Variants in DPP6 observed in about 807,000 individuals in gnomAD.
The protein encoded by DPP6 is A-type potassium channel modulatory protein DPP6.
In DPP6, 69 loss-of-function variants were observed where a neutral mutation model predicts 122.6. The observed-to-expected ratio is 0.56, with a 90% confidence interval of 0.46 to 0.69. The LOEUF is 0.69. DPP6 is among the 30% of genes least tolerant of loss of function. The probability of loss-of-function intolerance (pLI) is 0.00; values close to 1 mark genes in which losing one functional copy is unlikely to be tolerated. For synonymous variants in DPP6, 418 were observed against 433.1 expected, an observed-to-expected ratio of 0.97 and a Z score of 0.43; for missense variants, 928 against 1,116.9, an observed-to-expected ratio of 0.83 and a Z score of 2.41.
intron 8 of DPP6, 41 bp from the exon 9 acceptor site, chr7:154,769,376 A>G (rs1796096611): frequency 9.9e-6 from 16 of 1,609,562 alleles, no homozygotes; most frequent in African/African-American, 1.3e-5. Flanking sequence ...ATTTCCACTC[A>G]CTTGTTACTA....
intron 1 of DPP6, among the ~76,000 whole-genome samples, chr7:154,093,127 C>T (rs1480974868): frequency 1.3e-5 from 2 of 151,406 alleles, no homozygotes; most frequent in Non-Finnish European, 2.9e-5. Flanking sequence ...CACCACATAA[C>T]ACACATCCTA....
At chr7:154,240,247 C>T (rs975516579) in intron 1 of DPP6, among the ~76,000 whole-genome samples, 3 of 152,054 alleles carry the variant, frequency 2.0e-5, no homozygotes, top group African/African-American at 7.2e-5. Context: ...GTAATTCTAA[C>T]CATATTTTAA....
At chr7:154,399,105 C>T (rs962776912) in intron 1 of DPP6, among the ~76,000 whole-genome samples, 6 of 152,008 alleles carry the variant, frequency 3.9e-5, no homozygotes, top group African/African-American at 1.2e-4. Context: ...GTATCTGAGG[C>T]GAGAGAGACC....
At chr7:154,777,826 A>C (rs1587108835) in intron 10 of DPP6, among the ~76,000 whole-genome samples, 2 of 152,112 alleles carry the variant, frequency 1.3e-5, no homozygotes. Flanking sequence ...ACCTGTGCGC[A>C]GCTGTGGGGG....
At chr7:154,206,497 C>T (rs1799455865) in intron 1 of DPP6, among the ~76,000 whole-genome samples, 1 of 152,294 alleles carries the variant, frequency 6.6e-6, no homozygotes, top group African/African-American at 2.4e-5. Flanking sequence ...CGCAAAGCAA[C>T]CTTTTCACGT....
At chr7:154,609,590 T>G (rs1833782182) in intron 5 of DPP6, among the ~76,000 whole-genome samples, 1 of 152,182 alleles carries the variant, frequency 6.6e-6, no homozygotes. Flanking sequence ...CACATGCACA[T>G]GCACACACAT....
intron 8 of DPP6, among the ~76,000 whole-genome samples, chr7:154,758,070 C>G (rs987858364): frequency 3.9e-5 from 6 of 152,256 alleles, no homozygotes; most frequent in African/African-American, 1.2e-4. Context: ...ATCCACTCCC[C>G]CTTCAGGTGG....
chr7:153,775,759 A>C, the DPP6 span, among the ~76,000 whole-genome samples: 1 of 152,174 alleles, frequency 6.6e-6, no homozygotes, highest in Non-Finnish European at 1.5e-5. Flanking sequence ...CAAAACACAA[A>C]AATTAATTGT....
intron 1 of DPP6, among the ~76,000 whole-genome samples, chr7:154,056,107 C>A (rs1800804964): frequency 6.6e-6 from 1 of 152,178 alleles, no homozygotes; most frequent in Non-Finnish European, 1.5e-5. Flanking sequence ...AATGCATGGT[C>A]TAAATGCACA....
intron 7 of DPP6, among the ~76,000 whole-genome samples, chr7:154,685,269 A>C (rs1256119110): frequency 6.6e-6 from 1 of 152,208 alleles, no homozygotes; most frequent in Non-Finnish European, 1.5e-5. Flanking sequence ...ATAACCCTAA[A>C]ATTTTACTAG....
intron 1 of DPP6, among the ~76,000 whole-genome samples, chr7:154,245,637 A>AAAAAAAAAAC (rs1801935522): frequency 5.1e-5 from 1 of 19,444 alleles, no homozygotes. Flanking sequence ...GACTGTCTCA[A>AAAAAAAAAAC]AAAAAAAAAA....
At chr7:154,502,437 G>A (rs1016456571) in intron 3 of DPP6, among the ~76,000 whole-genome samples, 2 of 152,174 alleles carry the variant, frequency 1.3e-5, no homozygotes, top group Non-Finnish European at 2.9e-5. Context: ...AACTTAGTGG[G>A]AGGTGATGAA....
the DPP6 span, among the ~76,000 whole-genome samples, chr7:153,818,488 A>G: frequency 6.6e-6 from 1 of 152,188 alleles, no homozygotes; most frequent in Non-Finnish European, 1.5e-5. Flanking sequence ...GGATGATATT[A>G]TAGACTACTA....
At chr7:154,070,689 G>A (rs917330465) in intron 1 of DPP6, among the ~76,000 whole-genome samples, 1 of 152,116 alleles carries the variant, frequency 6.6e-6, no homozygotes, top group Non-Finnish European at 1.5e-5. Flanking sequence ...ACGGCCCTCT[G>A]TTTAATGCTT....
chr7:154,300,812 A>G (rs1805852427), intron 1 of DPP6, among the ~76,000 whole-genome samples: 1 of 152,222 alleles, frequency 6.6e-6, no homozygotes, highest in Non-Finnish European at 1.5e-5. Flanking sequence ...AATCATTATT[A>G]TGGGCTGTTG....
chr7:153,976,985 T>G (rs1487056582), intron 1 of DPP6, among the ~76,000 whole-genome samples: 1 of 152,240 alleles, frequency 6.6e-6, no homozygotes, highest in Non-Finnish European at 1.5e-5. Context: ...GATAGCACCC[T>G]CTGCTCTGCT....
Position 154,034,975 on chromosome 7 carries a change from T to G in DPP6, c.51+147241T>G, listed in dbSNP as rs541396486. ...TGACCTTTTCTGAAGCTAAAACATA[T>G]GCAAAATGGACAAAGCCCATGGCTT... On this transcript the variant is annotated intron_variant, in intron 1 of 25. Transcript: ENST00000404039. Among the ~76,000 whole-genome samples, 214 of 151,102 alleles carry G rather than the reference T, an allele frequency of 1.4e-3. 1 individual carries two copies. The highest frequency in any genetic ancestry group is 0.012 in the South Asian group (58 of 4,716).
chr7:154,447,612 T>C (rs1819996632), intron 2 of DPP6, among the ~76,000 whole-genome samples: 1 of 151,922 alleles, frequency 6.6e-6, no homozygotes, highest in African/African-American at 2.4e-5. Flanking sequence ...CCAAACTAGA[T>C]AAAGATATCA....
intron 1 of DPP6, among the ~76,000 whole-genome samples, chr7:154,289,218 A>G (rs895497645): frequency 5.3e-5 from 8 of 152,238 alleles, no homozygotes; most frequent in Admixed American, 5.2e-4. Flanking sequence ...GCAGTCATCA[A>G]CTATGATGGA....
Sources: gnomAD v4.1 joint callset for allele counts (sites outside exome capture counted in the v4.1 genomes callset) on GRCh38, gnomAD v4.1.1 for gene constraint, MANE v1.5 for transcripts, NCBI Gene and HGNC (gene_info 2026-07-23, HGNC 2026-07-21) for gene names.